LCMT2: variants seen among roughly 807,000 people sequenced by gnomAD.
The protein encoded by LCMT2 is tRNA wybutosine-synthesizing protein 4.
A neutral mutation model predicts 42.0 loss-of-function variants in LCMT2; 34 were observed. The observed-to-expected ratio is 0.81, with a 90% CI of 0.62 to 1.08. The LOEUF is 1.08. Ranked by LOEUF, LCMT2 falls within the 50% of genes least tolerant of loss-of-function variation. The pLI is 0.00. For missense variants in LCMT2, 1,091 were observed against 889.4 expected, an observed-to-expected ratio of 1.23 and a Z score of -2.88; for synonymous variants, 445 against 369.5, an observed-to-expected ratio of 1.20 and a Z score of -2.34.
At position 43,325,879 on chromosome 15, in the gene LCMT2, G is replaced by T. The variant is rs1011794597; in HGVS notation, c.*2550C>A. On this transcript the variant is annotated 3_prime_UTR_variant, in exon 1 of 1. Transcript: ENST00000305641. ...CAGTGTTGTTATTACTAGAGACAGG[G>T]TCTCACTCTGTCACCCAAGCTGGAG... 1 of 152,076 alleles carries T rather than the reference G, an allele frequency of 6.6e-6. No individual in the cohort carries two copies. The highest frequency in any genetic ancestry group is 1.5e-5 in the Non-Finnish European group (1 of 68,056). The allele number at this position is 152,076 out of a possible 1,614,324, so 9.4% of individuals were successfully genotyped here. A position where few individuals can be genotyped will look rare whatever the true frequency, so the allele number is the denominator to read the frequency against.
In LCMT2 at chr15:43,328,989, G is replaced by A. The variant is rs1164881722; in HGVS notation, c.1501C>T (p.Arg501Ter). 4 of 1,614,066 alleles carry A rather than the reference G, an allele frequency of 2.5e-6. No individual in the cohort carries two copies. The highest frequency in any genetic ancestry group is 8.5e-7 in the Non-Finnish European group (1 of 1,180,040). Residue 501 changes from arginine (R) to a stop codon, truncating the protein, a stop_gained, in exon 1 of 1, where the codon CGA (arginine) becomes TGA (stop). Coordinates refer to ENST00000305641, the MANE Select transcript of LCMT2 (RefSeq NM_014793.5). LOFTEE classifies it high-confidence loss of function. ...CTTAGTACAGGTTCCACCACGCTTC[G>A]ACCCCCATACACAAACAAATATTCC... ...NQEYLFVYGG[R>*]SVVEPVLSDW...
rs1294150884 is a variant in LCMT2 at position 43,328,083 on chromosome 15, A to G, written c.*346T>C. On this transcript the variant is annotated 3_prime_UTR_variant, in exon 1 of 1. Coordinates refer to ENST00000305641, the MANE Select transcript of LCMT2 (RefSeq NM_014793.5). Reference sequence around the variant, plus strand: ...TATATTCAACCACGGAACTGCGTGTAACTTTTTCTAAGGTACCATCTCAAA... The same window carrying G: ...TATATTCAACCACGGAACTGCGTGTGACTTTTTCTAAGGTACCATCTCAAA... The G allele has an allele frequency of 4.6e-6, 1 of 218,778 alleles. No homozygotes were observed. The allele number at this position is 218,778 out of a possible 1,614,324, so 13.6% of individuals were successfully genotyped here. A position where few individuals can be genotyped will look rare whatever the true frequency, so the allele number is the denominator to read the frequency against.
Position 43,329,719 on chromosome 15 carries a change from G to A in LCMT2, c.771C>T (p.Arg257=), listed in dbSNP as rs752971829. The change falls in exon 1 of 1, where the codon CGC becomes CGT. Residue 257 remains arginine (R), a synonymous_variant. Transcript: ENST00000305641. ...AGGCGGTCCAGCCAGCTTGAAGGAA[G>A]CGGCGCCGCTGCGCCTCCACGTCAG... ...RFPDVEAQRR[R]FLQAGWTACG... The A allele has an allele frequency of 6.2e-7, 1 of 1,613,382 alleles. No homozygotes were observed. The highest frequency in any genetic ancestry group is 1.1e-5 in the South Asian group (1 of 91,088).
At position 43,324,820 on chromosome 15, in the gene LCMT2, A is replaced by T. The variant is rs2043109397; in HGVS notation, c.*3609T>A. On this transcript the variant is annotated 3_prime_UTR_variant, in exon 1 of 1. Transcript: ENST00000305641. ...TGTTTTCCAGGAGATGACATGTGGG[A>T]TAAGTCCCAGGGTAAGCATGGGCTG... The T allele has an allele frequency of 6.6e-6, 1 of 152,260 alleles. No individual in the cohort carries two copies. Among genetic ancestry groups the T allele is most frequent in the South Asian group, 2.1e-4 (1 of 4,830 alleles). The allele number at this position is 152,260 out of a possible 1,614,324, so 9.4% of individuals were successfully genotyped here. A position where few individuals can be genotyped will look rare whatever the true frequency, so the allele number is the denominator to read the frequency against.
At position 43,326,168 on chromosome 15, in the gene LCMT2, A is replaced by G. The variant is rs2043117372; in HGVS notation, c.*2261T>C. 6.8e-6 allele frequency: 1 copy of G among 148,018 alleles called. No homozygotes were observed. Among genetic ancestry groups the G allele is most frequent in the Non-Finnish European group, 1.5e-5 (1 of 67,306 alleles). 9.2% of individuals were successfully genotyped at this position (148,018 alleles called of 1,614,324 possible). ...CCTCCCAAAGTGCTGGGATCAAGGC[A>G]TGTGCCACTGCGCCTGGCCTCATCA... On this transcript the variant is annotated 3_prime_UTR_variant, in exon 1 of 1. Transcript: ENST00000305641.
Position 43,328,631 on chromosome 15 carries a change from G to C in LCMT2, c.1859C>G (p.Thr620Ser), listed in dbSNP as rs1210428419. 1.2e-6 allele frequency: 2 copies of C among 1,614,198 alleles called. No individual in the cohort carries two copies. Among genetic ancestry groups the C allele is most frequent in the South Asian group, 2.2e-5 (2 of 91,084 alleles). ...CTGATACTCAGAGCTCAATCCTGTA[G>C]TCAAATTGATCACAGTCACTCCAGG... ...SFPGVTVINLTTGLSSEYQID... is the reference protein window; with the variant it reads ...SFPGVTVINLSTGLSSEYQID... The change falls in exon 1 of 1, where the codon ACT becomes AGT. Residue 620 changes from threonine (T) to serine (S), a missense_variant. Coordinates refer to ENST00000305641, the MANE Select transcript of LCMT2 (RefSeq NM_014793.5).
Position 43,330,077 on chromosome 15 carries a change from G to T in LCMT2, c.413C>A (p.Pro138His). The T allele has an allele frequency of 1.2e-6, 2 of 1,612,186 alleles. No individual in the cohort carries two copies. The highest frequency in any genetic ancestry group is 1.1e-5 in the South Asian group (1 of 91,074). ...GGACGCGGGCTCCCCCCTCTCGAAA[G>T]GCCCGGTTAACGCGCACAGCTCTGG... ...ETPELCALTGPFERGEPASAL... is the reference protein window; with the variant it reads ...ETPELCALTGHFERGEPASAL... The change falls in exon 1 of 1, where the codon CCT becomes CAT. Residue 138 changes from proline to histidine, a missense_variant. By Grantham distance (77) the Pro-to-His change is moderately conservative (BLOSUM62 -2). Coordinates refer to ENST00000305641, the MANE Select transcript of LCMT2 (RefSeq NM_014793.5).
rs1166234078 is a variant in LCMT2 at position 43,329,613 on chromosome 15, A to T, written c.877T>A (p.Phe293Ile). 6.2e-7 allele frequency: 1 copy of T among 1,614,114 alleles called. No homozygotes were observed. Among genetic ancestry groups the T allele is most frequent in the Non-Finnish European group, 8.5e-7 (1 of 1,180,022 alleles). The change falls in exon 1 of 1, where the codon TTT (phenylalanine) becomes ATT (isoleucine). Residue 293 changes from phenylalanine to isoleucine, a missense_variant. Phe to Ile is a conservative substitution (Grantham distance 21, BLOSUM62 0). Transcript: ENST00000305641. ...ERRRVENIEP[F>I]DEFEEWHLKC... ...AGATGCCACTCCTCAAATTCGTCAAAGGGTTCAATATTTTCCACCCGCCGG... is the reference window on the plus strand; with the variant it reads ...AGATGCCACTCCTCAAATTCGTCAATGGGTTCAATATTTTCCACCCGCCGG...
rs756319124 is a variant in LCMT2 at position 43,329,679 on chromosome 15, T to C, written c.811A>G (p.Met271Val). The change falls in exon 1 of 1, where the codon ATG (methionine) becomes GTG (valine). Residue 271 changes from methionine (M) to valine (V), a missense_variant. Coordinates refer to ENST00000305641, the MANE Select transcript of LCMT2 (RefSeq NM_014793.5). ...AGAAAGCAGTGATAGAATTCATTCA[T>C]GTCCACGGCACCGCAGGCGGTCCAG... is the stretch of plus-strand genomic sequence containing the variant. ...AGWTACGAVDMNEFYHCFLPA... is the reference protein window; with the variant it reads ...AGWTACGAVDVNEFYHCFLPA... The C allele has an allele frequency of 3.1e-6, 5 of 1,613,684 alleles. No individual in the cohort carries two copies. Among genetic ancestry groups the C allele is most frequent in the East Asian group, 2.2e-5 (1 of 44,888 alleles).
rs1459915413 is a variant in LCMT2 at position 43,326,222 on chromosome 15, A to C, written c.*2207T>G. 6.6e-6 allele frequency: 1 copy of C among 151,678 alleles called. No individual in the cohort carries two copies. The highest frequency in any genetic ancestry group is 1.5e-5 in the Non-Finnish European group (1 of 67,904). 9.4% of individuals were successfully genotyped at this position (151,678 alleles called of 1,614,324 possible). A position where few individuals can be genotyped will look rare whatever the true frequency, so the allele number is the denominator to read the frequency against. On this transcript the variant is annotated 3_prime_UTR_variant, in exon 1 of 1. Coordinates refer to ENST00000305641, the MANE Select transcript of LCMT2 (RefSeq NM_014793.5). ...TGTTCTGCTTTTATCTGCTCCTGAAAGCTGGGGTGTGCTGTAGTAAACTTA... is the reference window on the plus strand; with the variant it reads ...TGTTCTGCTTTTATCTGCTCCTGAACGCTGGGGTGTGCTGTAGTAAACTTA...
Position 43,330,324 on chromosome 15 carries a change from A to G in LCMT2, c.166T>C (p.Tyr56His). 2 of 1,602,300 alleles carry G rather than the reference A, an allele frequency of 1.2e-6. No individual in the cohort carries two copies. Among genetic ancestry groups the G allele is most frequent in the Non-Finnish European group, 1.7e-6 (2 of 1,178,200 alleles). The change falls in exon 1 of 1, where the codon TAC becomes CAC. Residue 56 changes from tyrosine to histidine, a missense_variant. Transcript: ENST00000305641. Reference sequence around the variant, plus strand: ...CTCACGGCGCGTGCGCGGACGTAGTAGCCTCGGTGAATGAGCGGTGCGCGG... The same window carrying G: ...CTCACGGCGCGTGCGCGGACGTAGTGGCCTCGGTGAATGAGCGGTGCGCGG... ...ARRAPLIHRG[Y>H]YVRARAVRHC...
At position 43,325,323 on chromosome 15, in the gene LCMT2, A is replaced by G. The variant is rs899175010; in HGVS notation, c.*3106T>C. The stretch of plus-strand genomic sequence containing the variant: ...AAAGTGAAATGGAGAAGCAAGAATT[A>G]TTATCCAGCTTTGGTTCTCAATCTG... On this transcript the variant is annotated 3_prime_UTR_variant, in exon 1 of 1. Coordinates refer to ENST00000305641, the MANE Select transcript of LCMT2 (RefSeq NM_014793.5). 3.9e-5 allele frequency: 6 copies of G among 152,212 alleles called. No homozygotes were observed. The highest frequency in any genetic ancestry group is 1.4e-4 in the African/African-American group (6 of 41,448). The allele number at this position is 152,212 out of a possible 1,614,324, so 9.4% of individuals were successfully genotyped here.
rs770514637 is a variant in LCMT2 at position 43,329,751 on chromosome 15, G to C, written c.739C>G (p.Arg247Gly). 1.9e-6 allele frequency: 3 copies of C among 1,613,532 alleles called. No homozygotes were observed. The highest frequency in any genetic ancestry group is 1.3e-5 in the African/African-American group (1 of 74,950). ...CGCTGCGCCTCCACGTCAGGAAAAC[G>C]CTCCAGGCCATGCAGGGGGGAGTTT... ...QLNSPLHGLERFPDVEAQRRR... is the reference protein window; with the variant it reads ...QLNSPLHGLEGFPDVEAQRRR... The change falls in exon 1 of 1, where the codon CGT becomes GGT. Residue 247 changes from arginine (R) to glycine (G), a missense_variant. Physicochemically the swap from Arg to Gly is moderately radical, Grantham distance 125. Transcript: ENST00000305641.
chr15:43,323,786 C>T lies in LCMT2; in HGVS notation c.*4643G>A, dbSNP rs1241867702. On this transcript the variant is annotated 3_prime_UTR_variant, in exon 1 of 1. Coordinates refer to ENST00000305641, the MANE Select transcript of LCMT2 (RefSeq NM_014793.5). ...GGTTCTTTAAAATTTTAATGCTTAC[C>T]TCCCCCTGACACACACACATACACA... is the stretch of plus-strand genomic sequence containing the variant. 4 of 152,250 alleles carry T rather than the reference C, an allele frequency of 2.6e-5. No homozygotes were observed. Among genetic ancestry groups the T allele is most frequent in the African/African-American group, 9.6e-5 (4 of 41,544 alleles). The allele number at this position is 152,250 out of a possible 1,614,324, so 9.4% of individuals were successfully genotyped here. A position where few individuals can be genotyped will look rare whatever the true frequency, so the allele number is the denominator to read the frequency against.
chr15:43,329,049 G>C lies in LCMT2; in HGVS notation c.1441C>G (p.Arg481Gly). ...CAGGACACTTCTGTTGTTGAATGCC[G>C]CCAACAACACAAAGTGGAATCATCC... is the stretch of plus-strand genomic sequence containing the variant. ...RKDDSTLCCW[R>G]HSTTEVSCQN... Residue 481 changes from arginine (R) to glycine (G), a missense_variant, in exon 1 of 1, where the codon CGG becomes GGG. Coordinates refer to ENST00000305641, the MANE Select transcript of LCMT2 (RefSeq NM_014793.5). 1 of 1,614,080 alleles carries C rather than the reference G, an allele frequency of 6.2e-7. No homozygotes were observed. Among genetic ancestry groups the C allele is most frequent in the Non-Finnish European group, 8.5e-7 (1 of 1,180,018 alleles).
In LCMT2 at chr15:43,330,080, C is replaced by T; in HGVS notation, c.410G>A (p.Gly137Glu). The T allele has an allele frequency of 6.2e-7, 1 of 1,612,166 alleles. No homozygotes were observed. Among genetic ancestry groups the T allele is most frequent in the South Asian group, 1.1e-5 (1 of 91,070 alleles). Residue 137 changes from glycine (G) to glutamate (E), a missense_variant, in exon 1 of 1, where the codon GGG becomes GAG. Gly to Glu is a moderately conservative substitution (Grantham distance 98). Coordinates refer to ENST00000305641, the MANE Select transcript of LCMT2 (RefSeq NM_014793.5). ...CGCGGGCTCCCCCCTCTCGAAAGGC[C>T]CGGTTAACGCGCACAGCTCTGGCGT... ...GETPELCALT[G>E]PFERGEPASA...
In LCMT2 at chr15:43,328,305, A is replaced by T; in HGVS notation, c.*124T>A. 1 of 1,074,180 alleles carries T rather than the reference A, an allele frequency of 9.3e-7. No individual in the cohort carries two copies. The highest frequency in any genetic ancestry group is 1.3e-6 in the Non-Finnish European group (1 of 741,118). 66.5% of individuals were successfully genotyped at this position (1,074,180 alleles called of 1,614,324 possible). On this transcript the variant is annotated 3_prime_UTR_variant, in exon 1 of 1. Transcript: ENST00000305641. ...CCAACCTTTTTCACTTTTTGCACTG[A>T]ATAGTGCTAAGGGAAAAAAAGGATG...
rs948125280 is a variant in LCMT2 at position 43,329,993 on chromosome 15, T to G, written c.497A>C (p.Gln166Pro). ...CILGLDLRQL[Q>P]RVEEALGAAG... ...GGCGCCCAGGGCCTCCTCCACTCGCTGGAGCTGCCGCAAGTCCAGACCCAG... is the reference window on the plus strand; with the variant it reads ...GGCGCCCAGGGCCTCCTCCACTCGCGGGAGCTGCCGCAAGTCCAGACCCAG... The change falls in exon 1 of 1, where the codon CAG becomes CCG. Residue 166 changes from glutamine to proline, a missense_variant. Gln to Pro is a moderately conservative substitution (Grantham distance 76, BLOSUM62 -1). Coordinates refer to ENST00000305641, the MANE Select transcript of LCMT2 (RefSeq NM_014793.5). 6 of 1,612,380 alleles carry G rather than the reference T, an allele frequency of 3.7e-6. No individual in the cohort carries two copies. The highest frequency in any genetic ancestry group is 4.2e-6 in the Non-Finnish European group (5 of 1,179,848).
Position 43,329,132 on chromosome 15 carries a change from T to C in LCMT2, c.1358A>G (p.Lys453Arg), listed in dbSNP as rs2043142986. 3 of 1,614,056 alleles carry C rather than the reference T, an allele frequency of 1.9e-6. No individual in the cohort carries two copies. The highest frequency in any genetic ancestry group is 2.5e-6 in the Non-Finnish European group (3 of 1,180,036). ...GTCCTCAGTGTTATTATCCTCACTC[T>C]TAAAAAAATGAAGCTGGAGAACCCC... ...ALGVLQLHFFKSEDNNTEDLK... is the reference protein window; with the variant it reads ...ALGVLQLHFFRSEDNNTEDLK... Residue 453 changes from lysine (K) to arginine (R), a missense_variant, in exon 1 of 1, where the codon AAG becomes AGG. By Grantham distance (26) the Lys-to-Arg change is conservative. Coordinates refer to ENST00000305641, the MANE Select transcript of LCMT2 (RefSeq NM_014793.5).
Sources: allele counts gnomAD v4.1 joint callset, GRCh38; gene constraint gnomAD v4.1.1; transcripts MANE v1.5; gene names NCBI Gene and HGNC (gene_info 2026-07-23, HGNC 2026-07-21).